The following UBASH3B variants were observed in gnomAD, a reference collection of about 807,000 sequenced individuals.
The protein encoded by UBASH3B is ubiquitin associated and SH3 domain containing B.
Under a neutral mutation model 83.4 loss-of-function variants are expected in UBASH3B, and 37 were observed. The observed-to-expected ratio is 0.44, with a 90% CI of 0.34 to 0.58. The LOEUF (loss-of-function observed/expected upper bound fraction) is 0.58. Ranked by LOEUF, UBASH3B falls within the 20% of genes least tolerant of loss-of-function variation. The probability of loss-of-function intolerance (pLI) is 0.01; values close to 1 mark genes in which losing one functional copy is unlikely to be tolerated. For synonymous variants in UBASH3B, 304 were observed against 318.3 expected (o/e 0.96, Z 0.48); for missense variants, 657 against 827.2 (o/e 0.79, Z 2.52).
intron 1 of UBASH3B, among the ~76,000 whole-genome samples, chr11:122,728,580 C>T (rs572297385): frequency 1.3e-5 from 2 of 152,310 alleles, no homozygotes; most frequent in African/African-American, 4.8e-5. Context: ...ATATTAGCCT[C>T]CCCAGGGAGA....
chr11:122,664,937 C>G (rs1863495018), intron 1 of UBASH3B, among the ~76,000 whole-genome samples: 1 of 152,204 alleles, frequency 6.6e-6, no homozygotes, highest in African/African-American at 2.4e-5. Flanking sequence ...GAGACGGAGT[C>G]TCGCTCTGTC....
chr11:122,724,832 C>G (rs1448987891), intron 1 of UBASH3B, among the ~76,000 whole-genome samples: 2 of 152,018 alleles, frequency 1.3e-5, no homozygotes, highest in Non-Finnish European at 2.9e-5. Flanking sequence ...GAGCGGCATC[C>G]TAAGATCCTA....
chr11:122,716,047 G>C (rs1860519808), intron 1 of UBASH3B, among the ~76,000 whole-genome samples: 1 of 152,274 alleles, frequency 6.6e-6, no homozygotes, highest in Non-Finnish European at 1.5e-5. Flanking sequence ...AGGGACTGTG[G>C]AGAGAGGACG....
intron 1 of UBASH3B, among the ~76,000 whole-genome samples, chr11:122,680,875 T>C (rs1166023313): frequency 2.6e-5 from 4 of 152,192 alleles, no homozygotes; most frequent in Non-Finnish European, 4.4e-5. Context: ...ATTAACCTTT[T>C]TTCTGATATG....
At chr11:122,773,809 T>C (rs185858356) in intron 1 of UBASH3B, among the ~76,000 whole-genome samples, 1 of 152,346 alleles carries the variant, frequency 6.6e-6, no homozygotes, top group Admixed American at 6.5e-5. Context: ...TTCCAGGGGA[T>C]ACTCCTAGTG....
At chr11:122,688,990 G>C (rs1186861504) in intron 1 of UBASH3B, among the ~76,000 whole-genome samples, 2 of 136,656 alleles carry the variant, frequency 1.5e-5, no homozygotes, top group Non-Finnish European at 3.1e-5. Context: ...GGGGGGGGGG[G>C]GGTTCCACCA....
chr11:122,721,898 CTTCTTT>C (rs142929842), intron 1 of UBASH3B, among the ~76,000 whole-genome samples: 3,056 of 152,280 alleles, frequency 0.02, 41 homozygotes, highest in Middle Eastern at 0.037. Context: ...CAGAGAGAGG[CTTCTTT>C]TTCTTAAGGA....
At chr11:122,787,860 C>T (rs962207894) in intron 5 of UBASH3B, among the ~76,000 whole-genome samples, 1 of 152,196 alleles carries the variant, frequency 6.6e-6, no homozygotes, top group African/African-American at 2.4e-5. Flanking sequence ...CTTCAACTAA[C>T]GGCTTTGAGA....
intron 1 of UBASH3B, among the ~76,000 whole-genome samples, chr11:122,723,129 C>G (rs562969463): frequency 6.6e-6 from 1 of 152,254 alleles, no homozygotes; most frequent in Non-Finnish European, 1.5e-5. Context: ...CTGGGCTCCT[C>G]CTGGCGATTT....
At chr11:122,776,413 C>A in intron 2 of UBASH3B, 141 bp downstream of exon 2, 1 of 722,532 alleles carries the variant, frequency 1.4e-6, no homozygotes, top group Non-Finnish European at 2.2e-6. Flanking sequence ...GTGCGTTTAT[C>A]AAGTCAATTG....
At chr11:122,809,219 C>T (rs1443400960) in intron 13 of UBASH3B, among the ~76,000 whole-genome samples, 2 of 152,108 alleles carry the variant, frequency 1.3e-5, no homozygotes, top group Non-Finnish European at 2.9e-5. Context: ...GGATTACAGG[C>T]ACATGCCACC....
intron 1 of UBASH3B, among the ~76,000 whole-genome samples, chr11:122,692,097 G>A (rs934469712): frequency 3.3e-5 from 5 of 152,064 alleles, no homozygotes; most frequent in South Asian, 2.1e-4. Context: ...CTAAGCCTAA[G>A]CCCAGATTTC....
At chr11:122,749,723 T>C (rs990580153) in intron 1 of UBASH3B, among the ~76,000 whole-genome samples, 1 of 152,138 alleles carries the variant, frequency 6.6e-6, no homozygotes, top group Non-Finnish European at 1.5e-5. Context: ...AATCATTCTA[T>C]TTTATTTTAT....
intron 1 of UBASH3B, among the ~76,000 whole-genome samples, chr11:122,668,219 C>T (rs1302578228): frequency 6.6e-6 from 1 of 152,104 alleles, no homozygotes; most frequent in Non-Finnish European, 1.5e-5. Flanking sequence ...AACTCCTGAC[C>T]TCAGGTGATC....
intron 1 of UBASH3B, among the ~76,000 whole-genome samples, chr11:122,656,493 C>A (rs1430840115): frequency 1.3e-5 from 2 of 152,156 alleles, no homozygotes; most frequent in Admixed American, 1.3e-4. Flanking sequence ...TAGTGCTCAG[C>A]CTCCGCCCCA....
chr11:122,723,759 A>G (rs1056300817), intron 1 of UBASH3B, among the ~76,000 whole-genome samples: 2 of 152,156 alleles, frequency 1.3e-5, no homozygotes, highest in Non-Finnish European at 2.9e-5. Flanking sequence ...TTCCATGTGC[A>G]TTGTGTTTTG....
At chr11:122,723,235 G>C (rs1194819343) in intron 1 of UBASH3B, among the ~76,000 whole-genome samples, 2 of 152,208 alleles carry the variant, frequency 1.3e-5, no homozygotes, top group Non-Finnish European at 2.9e-5. Flanking sequence ...CCACTGTTCA[G>C]ATTACAAAGC....
intron 1 of UBASH3B, among the ~76,000 whole-genome samples, chr11:122,688,654 T>A (rs1863842257): frequency 2.3e-5 from 3 of 129,576 alleles, no homozygotes; most frequent in South Asian, 2.5e-4. Context: ...TATTTTATTT[T>A]ATTTTTTTGA....
At chr11:122,706,104 TTC>T (rs1367304902) in intron 1 of UBASH3B, among the ~76,000 whole-genome samples, 3 of 104,328 alleles carry the variant, frequency 2.9e-5, no homozygotes, top group African/African-American at 7.1e-5. Context: ...ATTCTTTTCT[TTC>T]TTTTTTTTTT....
Sources: allele counts gnomAD v4.1 joint callset (sites outside exome capture counted in the v4.1 genomes callset), GRCh38; gene constraint gnomAD v4.1.1; transcripts MANE v1.5; gene names NCBI Gene and HGNC (gene_info 2026-07-23, HGNC 2026-07-21).